PDE1A: variants seen among roughly 807,000 people sequenced by gnomAD.
The protein encoded by PDE1A is phosphodiesterase 1A.
Under a neutral mutation model 61.7 loss-of-function variants are expected in PDE1A, and 35 were observed. The observed-to-expected ratio is 0.57, with a 90% CI of 0.43 to 0.75. The LOEUF is 0.75. Among genes scored for constraint, PDE1A ranks in the 30% least tolerant of loss-of-function variants. PDE1A has a pLI of 0.00. For missense variants in PDE1A, 597 were observed against 630.6 expected (o/e 0.95, Z 0.57); for synonymous variants, 232 against 213.2 (o/e 1.09, Z -0.77).
chr2:182,666,287 G>A, the PDE1A span, among the ~76,000 whole-genome samples: 6 of 152,072 alleles, frequency 3.9e-5, no homozygotes, highest in Non-Finnish European at 8.8e-5. Context: ...CATAAATTTG[G>A]CTTAACGAAT....
At chr2:182,374,733 A>G (rs1700299366) in intron 1 of PDE1A, among the ~76,000 whole-genome samples, 2 of 152,256 alleles carry the variant, frequency 1.3e-5, no homozygotes, top group Non-Finnish European at 1.5e-5. Flanking sequence ...CAATATCACT[A>G]TAGCCAAAAG....
the PDE1A span, among the ~76,000 whole-genome samples, chr2:182,551,052 C>CAAAA: frequency 2.2e-5 from 3 of 138,672 alleles, no homozygotes; most frequent in Non-Finnish European, 3.1e-5. Context: ...TCAGCAAATA[C>CAAAA]AAAAAAAAAA....
chr2:182,541,969 C>T, the PDE1A span, among the ~76,000 whole-genome samples: 1 of 152,200 alleles, frequency 6.6e-6, no homozygotes, highest in East Asian at 1.9e-4. Flanking sequence ...GATTCCTTTT[C>T]CAACTAATAA....
chr2:182,609,826 T>C, the PDE1A span, among the ~76,000 whole-genome samples: 1 of 119,546 alleles, frequency 8.4e-6, no homozygotes, highest in African/African-American at 2.9e-5. Flanking sequence ...CAGTGGTTCA[T>C]GCCTGTAATC....
chr2:182,207,028 G>A (rs1687163494), intron 7 of PDE1A, among the ~76,000 whole-genome samples: 1 of 152,152 alleles, frequency 6.6e-6, no homozygotes, highest in South Asian at 2.1e-4. Context: ...AGCAGTATGA[G>A]AATGGACTAA....
Position 182,233,502 on chromosome 2 carries a change from T to C in PDE1A, c.417+930A>G, listed in dbSNP as rs112040873. ...ACATTAATGAGATTAAAATCTAATA[T>C]GCAGCAGAGAAAAAACAATTGCAAA... is the stretch of plus-strand genomic sequence containing the variant. On this transcript the variant is annotated intron_variant, in intron 4 of 13. Transcript: ENST00000351439. Among the ~76,000 whole-genome samples, 13 of 152,216 alleles carry C rather than the reference T, an allele frequency of 8.5e-5. 1 individual carries two copies. Among genetic ancestry groups the C allele is most frequent in the African/African-American group, 2.9e-4 (12 of 41,532 alleles).
chr2:182,294,538 T>A (rs564793724), intron 1 of PDE1A, among the ~76,000 whole-genome samples: 1 of 152,246 alleles, frequency 6.6e-6, no homozygotes, highest in South Asian at 2.1e-4. Flanking sequence ...ACAATGCTGC[T>A]CACACATTCT....
At chr2:182,206,035 G>A (rs762626128) in exon 8 of PDE1A, 1 of 1,610,984 alleles carries the variant, frequency 6.2e-7, no homozygotes, top group African/African-American at 1.3e-5. Flanking sequence ...CAAGGACAGA[G>A]CGATCATTAT....
chr2:182,475,085 A>G (rs1687268695), intron 2 of PDE1A, among the ~76,000 whole-genome samples: 1 of 151,854 alleles, frequency 6.6e-6, no homozygotes, highest in Admixed American at 6.6e-5. Context: ...CATCTCAAGG[A>G]CTTGTCTATA....
chr2:182,471,244 T>C (rs1021140585), intron 2 of PDE1A, among the ~76,000 whole-genome samples: 2 of 151,760 alleles, frequency 1.3e-5, no homozygotes, highest in Non-Finnish European at 2.9e-5. Flanking sequence ...TTTAATAAAA[T>C]GGATAATATA....
At chr2:182,697,670 C>T in the PDE1A span, among the ~76,000 whole-genome samples, 2 of 152,214 alleles carry the variant, frequency 1.3e-5, no homozygotes, top group East Asian at 1.9e-4. Context: ...ATGTGAGAAG[C>T]AGACCAAGAG....
chr2:182,386,678 C>T (rs1701112953), intron 1 of PDE1A, among the ~76,000 whole-genome samples: 1 of 151,598 alleles, frequency 6.6e-6, no homozygotes, highest in Non-Finnish European at 1.5e-5. Flanking sequence ...GTGAGGAGCC[C>T]CTCCGCCCGG....
the PDE1A span, among the ~76,000 whole-genome samples, chr2:182,640,354 C>A: frequency 6.6e-6 from 1 of 152,140 alleles, no homozygotes; most frequent in African/African-American, 2.4e-5. Flanking sequence ...AGTGAACAAT[C>A]AGAATGTAAA....
intron 10 of PDE1A, among the ~76,000 whole-genome samples, chr2:182,196,102 T>C (rs1686114533): frequency 6.6e-6 from 1 of 152,090 alleles, no homozygotes; most frequent in Non-Finnish European, 1.5e-5. Flanking sequence ...AGTTTAAGTT[T>C]CACAAAGAAA....
chr2:182,150,358 A>T (rs970507498), intron 13 of PDE1A, among the ~76,000 whole-genome samples: 1 of 152,116 alleles, frequency 6.6e-6, no homozygotes, highest in Admixed American at 6.5e-5. Flanking sequence ...GCAGATCATA[A>T]ATAGATAACC....
chr2:182,547,032 T>C, the PDE1A span, among the ~76,000 whole-genome samples: 2 of 152,210 alleles, frequency 1.3e-5, no homozygotes, highest in Admixed American at 1.3e-4. Context: ...TAACTGAAGT[T>C]AGTGCTCCTT....
chr2:182,520,782 A>T (rs974032906), intron 2 of PDE1A, among the ~76,000 whole-genome samples: 4 of 152,020 alleles, frequency 2.6e-5, no homozygotes, highest in Non-Finnish European at 4.4e-5. Flanking sequence ...AATGAGAGAC[A>T]TAATTTTCCC....
At chr2:182,372,153 C>T (rs1700157446) in intron 1 of PDE1A, among the ~76,000 whole-genome samples, 1 of 152,104 alleles carries the variant, frequency 6.6e-6, no homozygotes, top group Non-Finnish European at 1.5e-5. Context: ...TCTTGACTTG[C>T]ATACCAAAAT....
At chr2:182,223,828 T>G in intron 7 of PDE1A, 36 bp downstream of exon 7, 1 of 1,215,676 alleles carries the variant, frequency 8.2e-7, no homozygotes, top group Non-Finnish European at 1.2e-6. Context: ...AATTTCAAAT[T>G]TTAACTAATG....
Sources: gnomAD v4.1 joint callset for allele counts (sites outside exome capture counted in the v4.1 genomes callset) on GRCh38, gnomAD v4.1.1 for gene constraint, MANE v1.5 for transcripts, NCBI Gene and HGNC (gene_info 2026-07-23, HGNC 2026-07-21) for gene names.